Variants in THAP12 observed in about 807,000 individuals in gnomAD.
The protein encoded by THAP12 is THAP domain containing 12, also known as 52 kDa repressor of the inhibitor of the protein kinase.
Under a neutral mutation model 63.0 loss-of-function variants are expected in THAP12, and 20 were observed. That is an observed-to-expected ratio of 0.32 (90% CI 0.22 to 0.46). The LOEUF (loss-of-function observed/expected upper bound fraction) is 0.46. Among genes scored for constraint, THAP12 ranks in the 20% least tolerant of loss-of-function variants. THAP12 has a pLI of 1.00. For synonymous variants in THAP12, 264 were observed against 328.4 expected (o/e 0.80, Z 2.12); for missense variants, 568 against 908.2 (o/e 0.63, Z 4.81).
chr11:76,352,641 A>G lies in THAP12; in HGVS notation c.509T>C (p.Phe170Ser). The G allele has an allele frequency of 1.2e-6, 2 of 1,612,000 alleles. No homozygotes were observed. Among genetic ancestry groups the G allele is most frequent in the Non-Finnish European group, 1.7e-6 (2 of 1,179,826 alleles). ...KENKEYLKSL[F>S]EILILMGKQN... Reference sequence around the variant, plus strand: ...CTTTCCCATCAGAATCAAGATTTCAAATAGAGATTTTAGGTATTCTTTGTT... The same window carrying G: ...CTTTCCCATCAGAATCAAGATTTCAGATAGAGATTTTAGGTATTCTTTGTT... Residue 170 changes from phenylalanine to serine, a missense_variant, in exon 5 of 5, where the codon TTT (phenylalanine) becomes TCT (serine). Transcript: ENST00000260045.
At position 76,361,014 on chromosome 11, in the gene THAP12, T is replaced by C. The variant is rs1946594528; in HGVS notation, c.260A>G (p.Asp87Gly). The C allele has an allele frequency of 6.2e-7, 1 of 1,611,004 alleles. No homozygotes were observed. The highest frequency in any genetic ancestry group is 1.3e-5 in the African/African-American group (1 of 74,836). Residue 87 changes from aspartate to glycine, a missense_variant, in exon 3 of 5, where the codon GAT becomes GGT. By Grantham distance (94) the Asp-to-Gly change is moderately conservative. Coordinates refer to ENST00000260045, the MANE Select transcript of THAP12 (RefSeq NM_004705.4). Reference protein sequence around the residue: ...LRDNAIPTIFDLTSHLNNPHS... With the variant: ...LRDNAIPTIFGLTSHLNNPHS... ...TGGGTTGTTCAAATGACTGGTAAGA[T>C]CAAATATTGTTGGTATTGCATTATC...
At chr11:76,369,204 C>A (rs1295646198) in intron 1 of THAP12, among the ~76,000 whole-genome samples, 1 of 151,764 alleles carries the variant, frequency 6.6e-6, no homozygotes, top group Non-Finnish European at 1.5e-5. Context: ...TACTACATAC[C>A]CACAAGAATG....
At chr11:76,379,476 G>C (rs1946734475) in intron 1 of THAP12, among the ~76,000 whole-genome samples, 1 of 152,052 alleles carries the variant, frequency 6.6e-6, no homozygotes, top group Non-Finnish European at 1.5e-5. Flanking sequence ...ACACCTTTCT[G>C]GTCTCATCTC....
In THAP12 at chr11:76,351,168, G is replaced by A; in HGVS notation, c.1982C>T (p.Thr661Ile). ...HRGKDIELPS[T>I]IYEALHLPDI... is the part of the protein sequence containing the mutation. The stretch of plus-strand genomic sequence containing the variant: ...AGGCAGGTGGAGGGCTTCATAGATG[G>A]TGGACGGAAGCTCTATATCTTTCCC... The change falls in exon 5 of 5, where the codon ACC becomes ATC. Residue 661 changes from threonine (T) to isoleucine (I), a missense_variant. Transcript: ENST00000260045. The A allele has an allele frequency of 6.3e-7, 1 of 1,592,214 alleles. No homozygotes were observed. The highest frequency in any genetic ancestry group is 8.5e-7 in the Non-Finnish European group (1 of 1,170,160).
intron 3 of THAP12, chr11:76,359,628 G>A (rs921040637): frequency 6.6e-6 from 1 of 152,184 alleles, no homozygotes; most frequent in South Asian, 2.1e-4. Flanking sequence ...AGGAGTTGGA[G>A]ACCAGCCTGG....
At chr11:76,364,217 T>C (rs1023135790) in intron 2 of THAP12, 1 of 176,232 alleles carries the variant, frequency 5.7e-6, no homozygotes, top group Non-Finnish European at 1.2e-5. Context: ...ATAAAAGTAG[T>C]TTGCCTTTTA....
At chr11:76,366,064 G>A (rs1946628604) in intron 1 of THAP12, 92 bp from the exon 2 acceptor site, 14 of 1,356,538 alleles carry the variant, frequency 1.0e-5, no homozygotes, top group Middle Eastern at 3.7e-4. Flanking sequence ...TAATAACAAC[G>A]GATTCCTGCT....
intron 1 of THAP12, among the ~76,000 whole-genome samples, chr11:76,374,884 G>A (rs574831097): frequency 6.6e-6 from 1 of 152,152 alleles, no homozygotes. Context: ...AGGTCATGAC[G>A]GGGAAGCCTT....
intron 3 of THAP12, among the ~76,000 whole-genome samples, chr11:76,360,389 G>GTTA (rs144414002): frequency 6.0e-4 from 91 of 152,304 alleles, no homozygotes; most frequent in African/African-American, 2.1e-3. Flanking sequence ...GGACTAAGGA[G>GTTA]TTACTGTACT....
In THAP12 at chr11:76,370,815, C is replaced by T. The variant is rs1233064869; in HGVS notation, c.90-4843G>A. 3.3e-5 allele frequency among the ~76,000 whole-genome samples: 4 copies of T among 121,140 alleles called. No individual in the cohort carries two copies. In the South Asian group the frequency reaches 9.4e-4, roughly 29 times the overall value. 79.5% of individuals were successfully genotyped at this position (121,140 alleles called of 152,430 possible). A position where few individuals can be genotyped will look rare whatever the true frequency, so the allele number is the denominator to read the frequency against. ...CCAGCCTGGCAAGAGAGCGAGACTC[C>T]GTCTCAAAAAAAAAGAAAAAAAAAA... On this transcript the variant is annotated intron_variant, in intron 1 of 4. Coordinates refer to ENST00000260045, the MANE Select transcript of THAP12 (RefSeq NM_004705.4).
In THAP12 at chr11:76,350,781, T is replaced by G; in HGVS notation, c.*83A>C. ...CAATGGAGTCCTATAGGCAAAGATA[T>G]TTAGTGATTAAGTGGTCTACATACA... On this transcript the variant is annotated 3_prime_UTR_variant, in exon 5 of 5. Transcript: ENST00000260045. 6.5e-6 allele frequency: 9 copies of G among 1,393,384 alleles called. No individual in the cohort carries two copies. The highest frequency in any genetic ancestry group is 8.5e-6 in the Non-Finnish European group (9 of 1,062,430). The allele number at this position is 1,393,384 out of a possible 1,614,324, so 86.3% of individuals were successfully genotyped here.
chr11:76,350,987 A>C lies in THAP12; in HGVS notation c.2163T>G (p.Ala721=). The part of the protein sequence containing the change: ...TLTDQRSSNL[A]LLNINFDIKH... ...TTATATCAAAATTTATGTTAAGCAA[A>C]GCCAAGTTACTTGACCTTTGGTCTG... The change falls in exon 5 of 5, where the codon GCT becomes GCG. Residue 721 remains alanine, a synonymous_variant. Coordinates refer to ENST00000260045, the MANE Select transcript of THAP12 (RefSeq NM_004705.4). 1 of 1,611,808 alleles carries C rather than the reference A, an allele frequency of 6.2e-7. No individual in the cohort carries two copies. The highest frequency in any genetic ancestry group is 1.1e-5 in the South Asian group (1 of 90,940).
At chr11:76,355,570 C>A in intron 4 of THAP12, 48 bp downstream of exon 4, 2 of 1,517,082 alleles carry the variant, frequency 1.3e-6, no homozygotes, top group Non-Finnish European at 1.8e-6. Context: ...CAGGTCAAGG[C>A]CTTTTTAAAA....
intron 1 of THAP12, among the ~76,000 whole-genome samples, chr11:76,371,810 C>CTTTTT (rs71036086): frequency 2.4e-4 from 16 of 65,746 alleles, no homozygotes; most frequent in South Asian, 5.4e-4. Flanking sequence ...TTTAACTTTT[C>CTTTTT]TTTTTTTTTT....
rs542609620 is a variant in THAP12 at position 76,351,404 on chromosome 11, T to A, written c.1746A>T (p.Thr582=). Residue 582 remains threonine (T), a synonymous_variant, in exon 5 of 5, where the codon ACA becomes ACT. Transcript: ENST00000260045. Reference sequence around the variant, plus strand: ...TAAGTTCCTGAATAATGTGCTCCACTGTTGGGACACTTAGGGTTTCTTTAT... The same window carrying A: ...TAAGTTCCTGAATAATGTGCTCCACAGTTGGGACACTTAGGGTTTCTTTAT... ...SYYKETLSVP[T]VEHIIQELKD... is the part of the protein sequence containing the mutation. The A allele has an allele frequency of 4.7e-5, 76 of 1,604,858 alleles. No homozygotes were observed. The African/African-American group carries it at 9.5e-4, about 20-fold the overall frequency.
At chr11:76,364,906 T>C (rs927113303) in intron 2 of THAP12, among the ~76,000 whole-genome samples, 1 of 152,142 alleles carries the variant, frequency 6.6e-6, no homozygotes, top group African/African-American at 2.4e-5. Context: ...GAGCTCCAAA[T>C]AAAAACACCA....
At chr11:76,376,144 A>G (rs1292384590) in intron 1 of THAP12, among the ~76,000 whole-genome samples, 1 of 152,238 alleles carries the variant, frequency 6.6e-6, no homozygotes, top group Non-Finnish European at 1.5e-5. Context: ...AGGTTGCACA[A>G]CACTGTGAAT....
chr11:76,379,606 C>G (rs1037023550), intron 1 of THAP12, among the ~76,000 whole-genome samples: 3 of 152,188 alleles, frequency 2.0e-5, no homozygotes, highest in African/African-American at 7.2e-5. Context: ...CTCAAATTCA[C>G]CTTCTTAGTG....
At chr11:76,369,363 C>T (rs1172085030) in intron 1 of THAP12, among the ~76,000 whole-genome samples, 5 of 152,176 alleles carry the variant, frequency 3.3e-5, no homozygotes, top group South Asian at 2.1e-4. Context: ...ATCTCACAAA[C>T]GTAATGTTAA....
Sources: gnomAD v4.1 joint callset for allele counts (sites outside exome capture counted in the v4.1 genomes callset) on GRCh38, gnomAD v4.1.1 for gene constraint, MANE v1.5 for transcripts, NCBI Gene and HGNC (gene_info 2026-07-23, HGNC 2026-07-21) for gene names.